The following STPG2 variants were observed in gnomAD, a reference collection of about 807,000 sequenced individuals.
STPG2 encodes sperm-tail PG-rich repeat-containing protein 2.
STPG2 carries 56 observed loss-of-function variants against 54.2 expected under a neutral mutation model. That is an observed-to-expected ratio of 1.03 (90% CI 0.83 to 1.29). STPG2 has a LOEUF of 1.29. Among genes scored for constraint, STPG2 ranks in the 50% most tolerant of loss-of-function variants. The probability of loss-of-function intolerance (pLI) is 0.00; values close to 1 mark genes in which losing one functional copy is unlikely to be tolerated. For synonymous variants in STPG2, 200 were observed against 181.8 expected, an observed-to-expected ratio of 1.10 and a Z score of -0.81; for missense variants, 596 against 544.9, an observed-to-expected ratio of 1.09 and a Z score of -0.93.
intron 5 of STPG2, among the ~76,000 whole-genome samples, chr4:98,045,284 T>C (rs1401281334): frequency 6.6e-6 from 1 of 152,146 alleles, no homozygotes; most frequent in Non-Finnish European, 1.5e-5. Context: ...ACGCTGGTTT[T>C]AGGTCTTGAT....
chr4:97,791,020 G>T (rs1726974355), intron 9 of STPG2, among the ~76,000 whole-genome samples: 1 of 152,056 alleles, frequency 6.6e-6, no homozygotes, highest in African/African-American at 2.4e-5. Flanking sequence ...TACTCTCTAA[G>T]TAATCCTGGG....
At chr4:97,952,820 T>C (rs765953642) in intron 7 of STPG2, among the ~76,000 whole-genome samples, 1 of 152,200 alleles carries the variant, frequency 6.6e-6, no homozygotes, top group Non-Finnish European at 1.5e-5. Flanking sequence ...GTAGCCAGAA[T>C]GATACAGACA....
chr4:97,971,570 T>C (rs1734327851), intron 7 of STPG2, among the ~76,000 whole-genome samples: 2 of 151,874 alleles, frequency 1.3e-5, no homozygotes, highest in South Asian at 4.2e-4. Flanking sequence ...ACACCGCAGG[T>C]TCTCACTCAT....
chr4:97,559,113 G>T lies in STPG2; in HGVS notation c.1325C>A (p.Ser442Tyr). Residue 442 changes from serine (S) to tyrosine (Y), a missense_variant, in exon 11 of 11, where the codon TCC (serine) becomes TAC (tyrosine). Ser to Tyr is a moderately radical substitution (Grantham distance 144, BLOSUM62 -2). Transcript: ENST00000295268. ...GAGATTTCCTTTCTTTTTCTCCTGG[G>T]ATATCTGTTTAATAAGAATGAGAAA... is the stretch of plus-strand genomic sequence containing the variant. ...ITPGPATYEI[S>Y]QEKKKGNLIG... 6.3e-7 allele frequency: 1 copy of T among 1,595,464 alleles called. No individual in the cohort carries two copies. Among genetic ancestry groups the T allele is most frequent in the Admixed American group, 1.7e-5 (1 of 57,270 alleles).
At chr4:97,657,239 G>C (rs184434381) in intron 10 of STPG2, among the ~76,000 whole-genome samples, 1 of 152,022 alleles carries the variant, frequency 6.6e-6, no homozygotes, top group East Asian at 1.9e-4. Flanking sequence ...AAAAAAAGTT[G>C]AGTTGCTAAT....
intron 8 of STPG2, among the ~76,000 whole-genome samples, chr4:97,885,855 G>A (rs1730543901): frequency 6.6e-6 from 1 of 151,890 alleles, no homozygotes; most frequent in Non-Finnish European, 1.5e-5. Flanking sequence ...CAAACAACTT[G>A]AGAAAACTCA....
chr4:97,850,161 T>A (rs888608216), intron 8 of STPG2, among the ~76,000 whole-genome samples: 1 of 147,000 alleles, frequency 6.8e-6, no homozygotes. Flanking sequence ...CTCAGTAAAC[T>A]ATCGCAAGAA....
Position 97,800,101 on chromosome 4 carries a change from T to G in STPG2, c.1204+40672A>C, listed in dbSNP as rs140135351. 2.4e-3 allele frequency among the ~76,000 whole-genome samples: 362 copies of G among 152,294 alleles called. 2 individuals are homozygous for G. The highest frequency in any genetic ancestry group is 3.2e-3 in the Non-Finnish European group (215 of 68,024). On this transcript the variant is annotated intron_variant, in intron 9 of 10. Transcript: ENST00000295268. ...CATTCATCTAACCTTTTTTCAAGGT[T>G]TTTAGCTTCTTTGCGATGGATTTGA... is the stretch of plus-strand genomic sequence containing the variant.
At chr4:97,848,281 A>G (rs564690583) in intron 8 of STPG2, among the ~76,000 whole-genome samples, 2 of 152,324 alleles carry the variant, frequency 1.3e-5, no homozygotes, top group East Asian at 3.8e-4. Context: ...ATACATAAAC[A>G]TAAATAGCAC....
intron 2 of STPG2, among the ~76,000 whole-genome samples, chr4:98,131,939 T>C (rs1043279737): frequency 1.3e-5 from 2 of 152,104 alleles, no homozygotes; most frequent in Non-Finnish European, 2.9e-5. Flanking sequence ...AATATAGTAG[T>C]CCACCTTTAA....
At chr4:97,637,652 A>G (rs1240570124) in intron 10 of STPG2, among the ~76,000 whole-genome samples, 3 of 152,208 alleles carry the variant, frequency 2.0e-5, no homozygotes, top group Non-Finnish European at 4.4e-5. Flanking sequence ...AAGTCTCAGG[A>G]TACAAAATCA....
chr4:97,760,116 T>C (rs1461177749), intron 9 of STPG2, among the ~76,000 whole-genome samples: 1 of 152,198 alleles, frequency 6.6e-6, no homozygotes. Context: ...GTTAATCTAT[T>C]GATTTTCGCA....
chr4:97,854,033 C>T (rs1186652673), intron 8 of STPG2, among the ~76,000 whole-genome samples: 1 of 152,078 alleles, frequency 6.6e-6, no homozygotes, highest in Non-Finnish European at 1.5e-5. Flanking sequence ...ATCATCTTCC[C>T]CAGGCTGGTC....
chr4:97,944,391 C>T (rs1012530091), intron 7 of STPG2, among the ~76,000 whole-genome samples: 13 of 151,688 alleles, frequency 8.6e-5, no homozygotes, highest in Admixed American at 1.3e-4. Flanking sequence ...TACATTTAAC[C>T]ATTTAATTTT....
chr4:97,538,651 A>G (rs1346323694), intron 4 of STPG2, among the ~76,000 whole-genome samples: 1 of 152,224 alleles, frequency 6.6e-6, no homozygotes. Flanking sequence ...TCCCCAACCT[A>G]GCAAGGCAGG....
chr4:97,956,722 T>C (rs1314759032), intron 7 of STPG2, among the ~76,000 whole-genome samples: 1 of 152,000 alleles, frequency 6.6e-6, no homozygotes, highest in Non-Finnish European at 1.5e-5. Context: ...GACATAACAA[T>C]TACTACAGCT....
chr4:97,516,171 T>C (rs1731071599), intron 4 of STPG2, among the ~76,000 whole-genome samples: 2 of 152,170 alleles, frequency 1.3e-5, no homozygotes, highest in African/African-American at 4.8e-5. Context: ...TGGAGCTACC[T>C]GATTCTGAGG....
chr4:97,446,927 A>C (rs937789571), intron 4 of STPG2, among the ~76,000 whole-genome samples: 1 of 152,210 alleles, frequency 6.6e-6, no homozygotes, highest in Non-Finnish European at 1.5e-5. Flanking sequence ...AGATAACATG[A>C]AAATGTGGAA....
At chr4:97,735,067 C>T (rs367608133) in intron 9 of STPG2, among the ~76,000 whole-genome samples, 12 of 64,912 alleles carry the variant, frequency 1.8e-4, no homozygotes, top group African/African-American at 3.3e-4. Flanking sequence ...AGCGAGACAT[C>T]GTCTCAAAAA....
Sources: gnomAD v4.1 joint callset for allele counts (sites outside exome capture counted in the v4.1 genomes callset) on GRCh38, gnomAD v4.1.1 for gene constraint, MANE v1.5 for transcripts, NCBI Gene and HGNC (gene_info 2026-07-23, HGNC 2026-07-21) for gene names.